PTCHD4: variants seen among roughly 807,000 people sequenced by gnomAD.
PTCHD4 encodes patched domain containing 4.
In PTCHD4, 33 loss-of-function variants were observed where a neutral mutation model predicts 58.1. The ratio of observed to expected loss-of-function variants is 0.57; its 90% CI spans 0.43 to 0.76. The LOEUF (loss-of-function observed/expected upper bound fraction) is 0.76. Ranked by LOEUF, PTCHD4 falls within the 30% of genes least tolerant of loss-of-function variation. The pLI, the probability that PTCHD4 is intolerant of heterozygous loss-of-function variation, is 0.00. For synonymous variants in PTCHD4, 478 were observed against 409.6 expected (o/e 1.17, Z -2.02); for missense variants, 1,058 against 1,027.1 (o/e 1.03, Z -0.41).
chr6:48,105,460 G>T (rs1005224530), intron 1 of PTCHD4, among the ~76,000 whole-genome samples: 3 of 152,082 alleles, frequency 2.0e-5, no homozygotes, highest in Non-Finnish European at 4.4e-5. Context: ...GTGCATAGAG[G>T]GAAATTTATA....
chr6:47,968,811 G>A (rs1003874396), intron 4 of PTCHD4, among the ~76,000 whole-genome samples: 15 of 152,090 alleles, frequency 9.9e-5, no homozygotes, highest in African/African-American at 3.4e-4. Flanking sequence ...ACTTTATAAT[G>A]AAAATGAGAG....
intron 4 of PTCHD4, among the ~76,000 whole-genome samples, chr6:47,970,932 G>A (rs1767483345): frequency 1.3e-5 from 2 of 152,320 alleles, no homozygotes; most frequent in South Asian, 4.1e-4. Context: ...GCACTCAGGT[G>A]TGAATATCAA....
intron 4 of PTCHD4, among the ~76,000 whole-genome samples, chr6:47,997,025 C>T (rs116047033): frequency 4.9e-4 from 75 of 152,304 alleles, no homozygotes; most frequent in African/African-American, 1.8e-3. Flanking sequence ...AGTATATACC[C>T]TTGCCTCGAC....
chr6:48,109,845 T>A (rs1765827315), intron 1 of PTCHD4, among the ~76,000 whole-genome samples: 1 of 152,038 alleles, frequency 6.6e-6, no homozygotes, highest in African/African-American at 2.4e-5. Flanking sequence ...ACATCATTAA[T>A]CATCAGGGAA....
intron 4 of PTCHD4, among the ~76,000 whole-genome samples, chr6:47,994,008 T>A (rs944790798): frequency 6.6e-6 from 1 of 152,174 alleles, no homozygotes; most frequent in African/African-American, 2.4e-5. Context: ...GCTGTAGATA[T>A]GGAGCAGAGG....
At chr6:48,077,843 G>T (rs1170609126) in intron 1 of PTCHD4, among the ~76,000 whole-genome samples, 1 of 151,950 alleles carries the variant, frequency 6.6e-6, no homozygotes, top group African/African-American at 2.4e-5. Flanking sequence ...ATCTTGTATG[G>T]GTGCAGTTTA....
chr6:47,947,020 A>G (rs1185906755), intron 4 of PTCHD4, among the ~76,000 whole-genome samples: 2 of 151,982 alleles, frequency 1.3e-5, no homozygotes, highest in Non-Finnish European at 2.9e-5. Flanking sequence ...TATTTTGTAG[A>G]GATGAGATCT....
intron 3 of PTCHD4, among the ~76,000 whole-genome samples, chr6:48,014,212 C>T (rs984431821): frequency 6.6e-6 from 1 of 152,020 alleles, no homozygotes; most frequent in Non-Finnish European, 1.5e-5. Context: ...ACATTTTGTA[C>T]CTGCAGTTGG....
chr6:47,937,530 T>G (rs911932057), intron 4 of PTCHD4, among the ~76,000 whole-genome samples: 6 of 151,986 alleles, frequency 3.9e-5, no homozygotes, highest in African/African-American at 1.5e-4. Context: ...GGTTTACGAG[T>G]TTTGTTTTAG....
intron 3 of PTCHD4, among the ~76,000 whole-genome samples, chr6:48,045,776 TTC>T (rs1327103051): frequency 7.3e-5 from 11 of 151,628 alleles, no homozygotes; most frequent in African/African-American, 2.7e-4. Context: ...GATTTTTTTT[TTC>T]TTTTTTTTTT....
chr6:48,090,374 T>A (rs536703474), intron 1 of PTCHD4, among the ~76,000 whole-genome samples: 14 of 152,312 alleles, frequency 9.2e-5, no homozygotes, highest in Admixed American at 4.6e-4. Context: ...CCCTCCATAG[T>A]AAATAGCTGC....
At chr6:48,006,715 T>C (rs915598263) in intron 4 of PTCHD4, among the ~76,000 whole-genome samples, 3 of 152,220 alleles carry the variant, frequency 2.0e-5, no homozygotes, top group Admixed American at 2.0e-4. Context: ...TTAGAGATGA[T>C]ATGCAAAATC....
At chr6:48,009,254 A>G in intron 3 of PTCHD4, 140 bp from the exon 4 acceptor site, 1 of 866,042 alleles carries the variant, frequency 1.2e-6, no homozygotes, top group South Asian at 2.0e-5. Flanking sequence ...GAGGCAAGTT[A>G]GAATTTTATA....
intron 3 of PTCHD4, among the ~76,000 whole-genome samples, chr6:48,050,470 A>G (rs1034189946): frequency 1.3e-5 from 2 of 152,036 alleles, no homozygotes; most frequent in Admixed American, 1.3e-4. Flanking sequence ...GGAATGAGTA[A>G]GAATGTAGGT....
chr6:47,874,528 T>C lies in PTCHD4; in HGVS notation c.*3775A>G, dbSNP rs1315853046. Reference sequence around the variant, plus strand: ...AATGGCAATAGTTAATCCTTAGCTCTAACCACAAGCCTAGAAGGATTAGCT... The same window carrying C: ...AATGGCAATAGTTAATCCTTAGCTCCAACCACAAGCCTAGAAGGATTAGCT... On this transcript the variant is annotated 3_prime_UTR_variant, in exon 5 of 5. Coordinates refer to ENST00000339488, the MANE Select transcript of PTCHD4 (RefSeq NM_001384253.1). Among the ~76,000 whole-genome samples the C allele has an allele frequency of 6.6e-6, 1 of 151,732 alleles. No individual in the cohort carries two copies. The highest frequency in any genetic ancestry group is 6.6e-5 in the Admixed American group (1 of 15,182).
chr6:47,951,456 G>A (rs1766646525), intron 4 of PTCHD4, among the ~76,000 whole-genome samples: 1 of 152,122 alleles, frequency 6.6e-6, no homozygotes, highest in Non-Finnish European at 1.5e-5. Flanking sequence ...ACTCAGTCAA[G>A]TTATTATATC....
In PTCHD4 at chr6:47,877,635, T is replaced by C. The variant is rs1461225722; in HGVS notation, c.*668A>G. Among the ~76,000 whole-genome samples the C allele has an allele frequency of 1.3e-5, 2 of 152,074 alleles. No homozygotes were observed. The highest frequency in any genetic ancestry group is 3.2e-3 in the Middle Eastern group (1 of 316). On this transcript the variant is annotated 3_prime_UTR_variant, in exon 5 of 5. Transcript: ENST00000339488. ...CTGACTGCTGAGACACTTGGGTTGA[T>C]TTAGAACGGCTATTAATGAATCTAT... is the stretch of plus-strand genomic sequence containing the variant.
chr6:47,998,804 G>C (rs563540746), intron 4 of PTCHD4, among the ~76,000 whole-genome samples: 1 of 152,210 alleles, frequency 6.6e-6, no homozygotes, highest in East Asian at 1.9e-4. Flanking sequence ...CATTAGAAAG[G>C]TCTGACACAG....
At chr6:48,006,139 G>GA (rs1284946625) in intron 4 of PTCHD4, among the ~76,000 whole-genome samples, 1 of 152,164 alleles carries the variant, frequency 6.6e-6, no homozygotes, top group East Asian at 1.9e-4. Context: ...TTGAATTGCA[G>GA]AAATACTTCA....
Sources: allele counts gnomAD v4.1 joint callset (sites outside exome capture counted in the v4.1 genomes callset), GRCh38; gene constraint gnomAD v4.1.1; transcripts MANE v1.5; gene names NCBI Gene and HGNC (gene_info 2026-07-23, HGNC 2026-07-21).